Variants in LRCH2 observed in about 807,000 individuals in gnomAD.
LRCH2 encodes leucine rich repeats and calponin homology domain containing 2.
In LRCH2, 38 loss-of-function variants were observed where a neutral mutation model predicts 68.9. That is an observed-to-expected ratio of 0.55 (90% CI 0.43 to 0.72). The LOEUF is 0.72. Among genes scored for constraint, LRCH2 ranks in the 30% least tolerant of loss-of-function variants. LRCH2 has a pLI of 0.00. For synonymous variants in LRCH2, 191 were observed against 208.1 expected, an observed-to-expected ratio of 0.92 and a Z score of 0.71; for missense variants, 528 against 572.9, an observed-to-expected ratio of 0.92 and a Z score of 0.80.
rs1556579500 is a variant in LRCH2, at chrX:115,234,026, C to T, written c.16G>A (p.Gly6Arg). The T allele has an allele frequency of 7.7e-6, 9 of 1,163,520 alleles. No homozygotes were observed. Among genetic ancestry groups the T allele is most frequent in the Non-Finnish European group, 1.0e-5 (9 of 872,039 alleles). MAASQGGGGNSGGGGC... is the reference protein window; with the variant it reads MAASQRGGGNSGGGGC... ...CCGCCCCCACTGTTACCGCCTCCTC[C>T]CTGACTCGCCGCCATGTTCCTGGGA... The change falls in exon 1 of 21, where the codon GGA (glycine) becomes AGA (arginine). Residue 6 changes from glycine (G) to arginine (R), a missense_variant. Physicochemically the swap from Gly to Arg is moderately radical, Grantham distance 125. Coordinates refer to ENST00000317135, the MANE Select transcript of LRCH2 (RefSeq NM_020871.4).
intron 1 of LRCH2, chrX:115,190,084 C>T (rs2072775518): frequency 4.3e-5 from 50 of 1,154,322 alleles, no homozygotes; most frequent in Non-Finnish European, 5.5e-5. Context: ...AAGCCTGGCT[C>T]GCATTGGCGG....
chrX:115,173,146 G>A (rs1043361266), intron 5 of LRCH2, among the ~76,000 whole-genome samples: 2 of 110,869 alleles, frequency 1.8e-5, no homozygotes, highest in Non-Finnish European at 3.8e-5. Flanking sequence ...CTTTATTAAA[G>A]TATGAGTTAC....
rs782136195 is a variant in LRCH2 at position 115,184,476 on chromosome X, C to T, written c.556G>A (p.Val186Ile). 57 of 1,184,687 alleles carry T rather than the reference C, an allele frequency of 4.8e-5. No homozygotes were observed. The highest frequency in any genetic ancestry group is 2.3e-4 in the Middle Eastern group (1 of 4,286). Reference protein sequence around the residue: ...LFDLPLKVLVVSNNKLVSIPE... With the variant: ...LFDLPLKVLVISNNKLVSIPE... Reference sequence around the variant, plus strand: ...ATGGATACCAGTTTATTATTACTGACGACCAAAACTTTAAGGGGAAGATCA... The same window carrying T: ...ATGGATACCAGTTTATTATTACTGATGACCAAAACTTTAAGGGGAAGATCA... The change falls in exon 3 of 21, where the codon GTC becomes ATC. Residue 186 changes from valine to isoleucine, a missense_variant. Transcript: ENST00000317135.
chrX:115,227,208 G>A (rs2073124610), intron 1 of LRCH2, among the ~76,000 whole-genome samples: 1 of 109,058 alleles, frequency 9.2e-6, no homozygotes, highest in South Asian at 4.1e-4. Context: ...AGGATCACTT[G>A]AGCCCCCGAG....
intron 14 of LRCH2, among the ~76,000 whole-genome samples, chrX:115,137,335 T>C (rs181501642): frequency 1.5e-4 from 17 of 109,859 alleles, no homozygotes; most frequent in African/African-American, 4.3e-4. Flanking sequence ...TCCAAACAAT[T>C]AGAAACACAG....
chrX:115,182,093 TAA>T (rs1458925028), intron 3 of LRCH2, among the ~76,000 whole-genome samples: 2 of 111,709 alleles, frequency 1.8e-5, no homozygotes, highest in African/African-American at 6.5e-5. Flanking sequence ...CTATTGTATA[TAA>T]GAGACTTGAG....
intron 1 of LRCH2, among the ~76,000 whole-genome samples, chrX:115,197,474 G>A (rs781821292): frequency 9.0e-6 from 1 of 111,469 alleles, no homozygotes; most frequent in East Asian, 2.8e-4. Context: ...TAAAAAGCCC[G>A]AGTGTGGTGG....
chrX:115,212,229 C>T (rs1333516161), intron 1 of LRCH2, among the ~76,000 whole-genome samples: 2 of 111,319 alleles, frequency 1.8e-5, no homozygotes, highest in African/African-American at 3.3e-5. Flanking sequence ...TGGGTCAGTT[C>T]CCCGTACTCC....
At chrX:115,165,152 CAAT>C (rs782417878) in intron 10 of LRCH2, among the ~76,000 whole-genome samples, 1 of 109,753 alleles carries the variant, frequency 9.1e-6, no homozygotes, top group Admixed American at 9.8e-5. Context: ...TAGTCCTCCT[CAAT>C]AATAATAATA....
At chrX:115,170,210 T>C in intron 6 of LRCH2, 89 bp downstream of exon 6, 2 of 915,445 alleles carry the variant, frequency 2.2e-6, no homozygotes, top group Non-Finnish European at 2.9e-6. Context: ...TCAGCCTAAA[T>C]ATATTCGGAA....
chrX:115,200,341 A>G (rs2072921400), intron 1 of LRCH2, among the ~76,000 whole-genome samples: 1 of 111,712 alleles, frequency 9.0e-6, no homozygotes, highest in Admixed American at 9.6e-5. Context: ...TAAAAAAACA[A>G]AGAGTTGATT....
intron 14 of LRCH2, among the ~76,000 whole-genome samples, chrX:115,130,729 T>C (rs2072236523): frequency 8.9e-6 from 1 of 111,988 alleles, no homozygotes; most frequent in African/African-American, 3.2e-5. Flanking sequence ...ATAACTGTAA[T>C]AATGATGACA....
At position 115,113,082 on chromosome X, in the gene LRCH2, G is replaced by T; in HGVS notation, c.*134C>A. On this transcript the variant is annotated 3_prime_UTR_variant, in exon 21 of 21. Transcript: ENST00000317135. ...CAATGTTTAAGTTTGATGTTTCAATGTAATTTTTTTAAAATCCTAAGGCGT... is the reference window on the plus strand; with the variant it reads ...CAATGTTTAAGTTTGATGTTTCAATTTAATTTTTTTAAAATCCTAAGGCGT... 1.9e-6 allele frequency: 1 copy of T among 516,059 alleles called. No individual in the cohort carries two copies. Among genetic ancestry groups the T allele is most frequent in the Non-Finnish European group, 2.8e-6 (1 of 355,186 alleles). The allele number at this position is 516,059 out of a possible 1,213,427, so 42.5% of individuals were successfully genotyped here.
chrX:115,181,210 A>C (rs1473787124), intron 3 of LRCH2, among the ~76,000 whole-genome samples: 3 of 111,385 alleles, frequency 2.7e-5, no homozygotes, highest in African/African-American at 9.8e-5. Flanking sequence ...GGCAAGGGAG[A>C]GAGTAGAATA....
chrX:115,131,175 T>C (rs1344503217), intron 14 of LRCH2, among the ~76,000 whole-genome samples: 1 of 110,566 alleles, frequency 9.0e-6, no homozygotes, highest in African/African-American at 3.3e-5. Context: ...GTTACATATG[T>C]ATACATGTGC....
rs1556563092 is a variant in LRCH2, at chrX:115,196,066, T to C, written c.350-7696A>G. Among the ~76,000 whole-genome samples the C allele has an allele frequency of 2.7e-5, 3 of 111,543 alleles. No individual in the cohort carries two copies. In the South Asian group the frequency reaches 1.1e-3, roughly 43 times the overall value. ...GGGCTTGAGCAGGAATGGGGATCAA[T>C]GGGGAATCCCACAATCAAAACTAAG... On this transcript the variant is annotated intron_variant, in intron 1 of 20. Coordinates refer to ENST00000317135, the MANE Select transcript of LRCH2 (RefSeq NM_020871.4).
At position 115,233,934 on chromosome X, in the gene LRCH2, T is replaced by G; in HGVS notation, c.108A>C (p.Gly36=). The G allele has an allele frequency of 1.3e-6, 1 of 781,858 alleles. No homozygotes were observed. Among genetic ancestry groups the G allele is most frequent in the South Asian group, 2.3e-5 (1 of 44,016 alleles). 64.4% of individuals were successfully genotyped at this position (781,858 alleles called of 1,213,427 possible). ...GTAGGGGGGA[G]GGGGGGGGTL... is the part of the protein sequence containing the mutation. ...TCCCGCCGCCGCCGCCGCCTCCCCCTCCAGCCCCGCCACCTCCCCCTCCAG... is the reference window on the plus strand; with the variant it reads ...TCCCGCCGCCGCCGCCGCCTCCCCCGCCAGCCCCGCCACCTCCCCCTCCAG... The change falls in exon 1 of 21, where the codon GGA becomes GGC. Residue 36 remains glycine, a synonymous_variant. Coordinates refer to ENST00000317135, the MANE Select transcript of LRCH2 (RefSeq NM_020871.4).
intron 12 of LRCH2, among the ~76,000 whole-genome samples, chrX:115,150,941 C>T (rs782240759): frequency 9.0e-6 from 1 of 110,747 alleles, no homozygotes; most frequent in East Asian, 2.8e-4. Context: ...TAGGAAGAAA[C>T]TTAACTATAC....
rs868973872 is a variant in LRCH2, at chrX:115,190,841, G to A, written c.350-2471C>T. 2 of 1,153,178 alleles carry A rather than the reference G, an allele frequency of 1.7e-6. No homozygotes were observed. Among genetic ancestry groups the A allele is most frequent in the African/African-American group, 1.8e-5 (1 of 55,300 alleles). On this transcript the variant is annotated intron_variant, in intron 1 of 20. Coordinates refer to ENST00000317135, the MANE Select transcript of LRCH2 (RefSeq NM_020871.4). ...TCCAGCTGGAGCGACTGCTGCGGAG[G>A]AGGAGGCCGTTATGAGGAGTACCAA...
Sources: gnomAD v4.1 joint callset for allele counts (sites outside exome capture counted in the v4.1 genomes callset) on GRCh38, gnomAD v4.1.1 for gene constraint, MANE v1.5 for transcripts, NCBI Gene and HGNC (gene_info 2026-07-23, HGNC 2026-07-21) for gene names.